Variants in AHCYL1 observed in about 807,000 individuals in gnomAD.
AHCYL1 encodes adenosylhomocysteinase like 1, also known as S-adenosylhomocysteine hydrolase-like protein 1.
Under a neutral mutation model 79.3 loss-of-function variants are expected in AHCYL1, and 20 were observed. That is an observed-to-expected ratio of 0.25 (90% CI 0.18 to 0.37). AHCYL1 has a LOEUF of 0.37. Among genes scored for constraint, AHCYL1 ranks in the 10% least tolerant of loss-of-function variants. AHCYL1 has a pLI of 1.00. For synonymous variants in AHCYL1, 223 were observed against 242.2 expected, an observed-to-expected ratio of 0.92 and a Z score of 0.74; for missense variants, 330 against 673.6, an observed-to-expected ratio of 0.49 and a Z score of 5.65.
chr1:110,014,307 T>G (rs1651266333), intron 5 of AHCYL1, among the ~76,000 whole-genome samples: 1 of 152,252 alleles, frequency 6.6e-6, no homozygotes, highest in East Asian at 1.9e-4. Context: ...TACAGTTTTA[T>G]AACCTAAATA....
chr1:109,986,992 T>A (rs1317121796), intron 1 of AHCYL1, among the ~76,000 whole-genome samples: 2 of 152,222 alleles, frequency 1.3e-5, no homozygotes, highest in African/African-American at 4.8e-5. Flanking sequence ...TTATATTGCA[T>A]TAGCTAAAAG....
intron 10 of AHCYL1, 50 bp from the exon 11 acceptor site, chr1:110,017,896 C>A (rs1299020899): frequency 6.3e-7 from 1 of 1,576,722 alleles, no homozygotes; most frequent in African/African-American, 1.3e-5. Flanking sequence ...ACCATCTTCC[C>A]TCCCACTGCC....
chr1:109,989,389 T>G (rs903472854), intron 1 of AHCYL1, among the ~76,000 whole-genome samples: 66 of 152,164 alleles, frequency 4.3e-4, no homozygotes, highest in African/African-American at 1.5e-3. Context: ...AAAATTTATT[T>G]TTATTTTTTA....
intron 1 of AHCYL1, among the ~76,000 whole-genome samples, chr1:109,986,295 T>C (rs144035620): frequency 0.01 from 1,538 of 150,450 alleles, 13 homozygotes; most frequent in South Asian, 0.043. Flanking sequence ...CTTCAACTAG[T>C]TAAGCTGTCT....
intron 1 of AHCYL1, among the ~76,000 whole-genome samples, chr1:110,001,530 T>C (rs976272322): frequency 6.6e-6 from 1 of 152,174 alleles, no homozygotes; most frequent in Non-Finnish European, 1.5e-5. Context: ...TTGGTTCTTA[T>C]ACCCTATGAA....
intron 1 of AHCYL1, chr1:109,995,816 T>C (rs1028339159): frequency 4.2e-6 from 2 of 471,824 alleles, no homozygotes; most frequent in Non-Finnish European, 5.5e-6. Flanking sequence ...GGAGAATGGG[T>C]TGGCATTTTG....
chr1:110,018,898 A>G, intron 13 of AHCYL1, 153 bp from the exon 14 acceptor site: 1 of 792,816 alleles, frequency 1.3e-6, no homozygotes. Flanking sequence ...TGCAGAAAAT[A>G]GGAAAAAGCC....
At chr1:109,997,794 T>A (rs892270933) in intron 1 of AHCYL1, among the ~76,000 whole-genome samples, 1 of 152,220 alleles carries the variant, frequency 6.6e-6, no homozygotes, top group Non-Finnish European at 1.5e-5. Context: ...GTTCCACCTT[T>A]ACCTCCCTGA....
intron 1 of AHCYL1, chr1:109,985,395 TTG>T (rs1264550277): frequency 1.6e-6 from 2 of 1,289,558 alleles, no homozygotes; most frequent in East Asian, 6.9e-5. Flanking sequence ...CGGGATCGTT[TTG>T]AAACCCGACA....
intron 7 of AHCYL1, 152 bp downstream of exon 7, chr1:110,015,683 G>T: frequency 1.6e-6 from 1 of 628,562 alleles, no homozygotes; most frequent in South Asian, 2.4e-5. Context: ...GAAAAATCAA[G>T]TTGATCCTAG....
intron 1 of AHCYL1, among the ~76,000 whole-genome samples, chr1:109,994,763 C>T: frequency 6.6e-6 from 1 of 152,222 alleles, no homozygotes; most frequent in East Asian, 1.9e-4. Flanking sequence ...GCAAGCAAGA[C>T]ATGAAGATTC....
At chr1:109,994,007 T>C (rs1649894446) in intron 1 of AHCYL1, among the ~76,000 whole-genome samples, 1 of 152,192 alleles carries the variant, frequency 6.6e-6, no homozygotes, top group African/African-American at 2.4e-5. Flanking sequence ...AACTTCTGGT[T>C]CTTACTCTGC....
At position 110,015,515 on chromosome 1, in the gene AHCYL1, G is replaced by C; in HGVS notation, c.766G>C (p.Val256Leu). The change falls in exon 7 of 17, where the codon GTG becomes CTG. Residue 256 changes from valine (V) to leucine (L), a missense_variant. By Grantham distance (32) the Val-to-Leu change is conservative. Around this residue, in one of 6 missense-constraint regions of AHCYL1, gnomAD observed 6 missense variants for 62.8 expected, o/e 0.10. Coordinates refer to ENST00000369799, the MANE Select transcript of AHCYL1 (RefSeq NM_006621.7). The part of the protein sequence containing the change: ...KKIRGIVEES[V>L]TGVHRLYQLS... ...GATCCGAGGCATTGTGGAAGAGAGC[G>C]TGACTGGTGTTCACAGGTAACAGAT... 6.2e-7 allele frequency: 1 copy of C among 1,614,148 alleles called. No homozygotes were observed. The highest frequency in any genetic ancestry group is 8.5e-7 in the Non-Finnish European group (1 of 1,179,968).
At chr1:110,021,600 T>C (rs1386085700) in intron 16 of AHCYL1, 74 bp from the exon 17 acceptor site, 3 of 1,507,716 alleles carry the variant, frequency 2.0e-6, no homozygotes, top group Non-Finnish European at 2.8e-6. Flanking sequence ...GAGAAGGTGC[T>C]CTGTTTCCGA....
In AHCYL1 at chr1:109,984,916, C is replaced by G. The variant is rs925276628; in HGVS notation, c.-137C>G. 7 of 1,291,440 alleles carry G rather than the reference C, an allele frequency of 5.4e-6. No homozygotes were observed. The highest frequency in any genetic ancestry group is 6.9e-6 in the Non-Finnish European group (7 of 1,013,596). The allele number at this position is 1,291,440 out of a possible 1,614,324, so 80.0% of individuals were successfully genotyped here. A position where few individuals can be genotyped will look rare whatever the true frequency, so the allele number is the denominator to read the frequency against. On this transcript the variant is annotated 5_prime_UTR_variant, in exon 1 of 17. Transcript: ENST00000369799. The stretch of plus-strand genomic sequence containing the variant: ...GCGTGGGCCACAGCACCTCAGAAGC[C>G]GACGCAGCTCGACGCAGGGGCCGGC...
intron 1 of AHCYL1, chr1:110,004,571 G>C: frequency 4.6e-6 from 4 of 860,792 alleles, no homozygotes; most frequent in Non-Finnish European, 5.6e-6. Context: ...AGGAGTGGGT[G>C]TTTATTGATA....
At chr1:110,013,165 A>G (rs983231919) in intron 5 of AHCYL1, among the ~76,000 whole-genome samples, 166 bp downstream of exon 5, 7 of 152,232 alleles carry the variant, frequency 4.6e-5, no homozygotes, top group African/African-American at 1.4e-4. Context: ...ATTAAGATGG[A>G]TATCCATGGT....
chr1:110,002,280 AATGGTTG>A (rs1205718509), intron 1 of AHCYL1, among the ~76,000 whole-genome samples: 2 of 152,202 alleles, frequency 1.3e-5, no homozygotes, highest in African/African-American at 4.8e-5. Context: ...TCCTGAGAGA[AATGGTTG>A]ATTCCAGGTT....
intron 1 of AHCYL1, chr1:109,985,595 C>T (rs192021881): frequency 2.1e-6 from 2 of 973,786 alleles, no homozygotes; most frequent in African/African-American, 1.8e-5. Flanking sequence ...GAGCAGTGGC[C>T]GCTTTATCCA....
Sources: gnomAD v4.1 joint callset for allele counts (sites outside exome capture counted in the v4.1 genomes callset) on GRCh38, gnomAD v4.1.1 for gene constraint, gnomAD v4.1.1 regional missense constraint, MANE v1.5 for transcripts, NCBI Gene and HGNC (gene_info 2026-07-23, HGNC 2026-07-21) for gene names.